The following ITGAE variants were observed in gnomAD, a reference collection of about 807,000 sequenced individuals.
The protein encoded by ITGAE is integrin alpha-E.
A neutral mutation model predicts 136.5 loss-of-function variants in ITGAE; 99 were observed. That is an observed-to-expected ratio of 0.73 (90% CI 0.62 to 0.86). The LOEUF (loss-of-function observed/expected upper bound fraction) is 0.86, where lower values mean the gene tolerates loss of function less well. Among genes scored for constraint, ITGAE ranks in the 40% least tolerant of loss-of-function variants. The pLI is 0.00. For missense variants in ITGAE, 1,447 were observed against 1,515.3 expected, an observed-to-expected ratio of 0.95 and a Z score of 0.75; for synonymous variants, 613 against 591.8, an observed-to-expected ratio of 1.04 and a Z score of -0.52.
At chr17:3,763,558 A>G (rs889813481) in intron 3 of ITGAE, among the ~76,000 whole-genome samples, 1 of 152,148 alleles carries the variant, frequency 6.6e-6, no homozygotes, top group Admixed American at 6.6e-5. Flanking sequence ...TTCCTCTCTT[A>G]TAAATGGCGC....
At chr17:3,727,321 T>TA (rs1485780119) in intron 26 of ITGAE, among the ~76,000 whole-genome samples, 1 of 152,052 alleles carries the variant, frequency 6.6e-6, no homozygotes, top group African/African-American at 2.4e-5. Context: ...TGTCACATGT[T>TA]ACATCGCTCA....
intron 1 of ITGAE, among the ~76,000 whole-genome samples, chr17:3,784,086 C>T (rs912502540): frequency 6.6e-6 from 1 of 152,026 alleles, no homozygotes; most frequent in Non-Finnish European, 1.5e-5. Context: ...CGGTGAAACC[C>T]CGTCTCTACT....
chr17:3,756,184 G>A (rs1319340796), intron 10 of ITGAE, among the ~76,000 whole-genome samples: 2 of 149,136 alleles, frequency 1.3e-5, no homozygotes, highest in Non-Finnish European at 3.0e-5. Context: ...GAGCTTCATG[G>A]AGATTCTGGG....
intron 26 of ITGAE, chr17:3,724,408 A>T: frequency 6.2e-7 from 1 of 1,611,748 alleles, no homozygotes; most frequent in Non-Finnish European, 8.5e-7. Flanking sequence ...CAGCCCAGGG[A>T]CGGCGACGAG....
intron 16 of ITGAE, among the ~76,000 whole-genome samples, chr17:3,750,026 C>CA (rs1224688470): frequency 1.3e-5 from 2 of 151,844 alleles, no homozygotes; most frequent in African/African-American, 2.4e-5. Context: ...AGAAAAAAAA[C>CA]AAAAAACAAA....
intron 20 of ITGAE, among the ~76,000 whole-genome samples, chr17:3,735,486 T>C (rs1441014713): frequency 6.6e-6 from 1 of 152,010 alleles, no homozygotes. Flanking sequence ...CTAATTTTTG[T>C]ATTTTTTGTA....
chr17:3,761,035 T>C lies in ITGAE; in HGVS notation c.576A>G (p.Glu192=), dbSNP rs934984268. The part of the protein sequence containing the change: ...KEEEEDKEEE[E]DEEEEEAGTE... ...CACCAGCTTCCTCCTCCTCCTCGTC[T>C]TCCTCCTCCTCCTTGTCTTCCTCCT... is the stretch of plus-strand genomic sequence containing the variant. Residue 192 remains glutamate (E), a synonymous_variant, in exon 6 of 31, where the codon GAA becomes GAG. Coordinates refer to ENST00000263087, the MANE Select transcript of ITGAE (RefSeq NM_002208.5). 2.5e-6 allele frequency: 4 copies of C among 1,603,428 alleles called. No individual in the cohort carries two copies. The highest frequency in any genetic ancestry group is 3.4e-6 in the Non-Finnish European group (4 of 1,178,584).
At chr17:3,731,745 C>T (rs191146496) in intron 22 of ITGAE, among the ~76,000 whole-genome samples, 1 of 152,052 alleles carries the variant, frequency 6.6e-6, no homozygotes, top group Non-Finnish European at 1.5e-5. Flanking sequence ...TTTCCCACAG[C>T]ACAGAGATGA....
At chr17:3,746,605 G>A (rs994163845) in intron 17 of ITGAE, among the ~76,000 whole-genome samples, 37 of 152,058 alleles carry the variant, frequency 2.4e-4, no homozygotes, top group Non-Finnish European at 4.1e-4. Context: ...ACAGGCGCCC[G>A]CCACCACACC....
rs143114897 is a variant in ITGAE, at chr17:3,748,869, G to A, written c.2025-817C>T. ...GAGGAGGAGATGGGAATGGAGGGGC[G>A]GGAAGGGCCAGGCCACGAAGAGCCC... On this transcript the variant is annotated intron_variant, in intron 16 of 30. Transcript: ENST00000263087. Among the ~76,000 whole-genome samples, 12 of 152,292 alleles carry A rather than the reference G, an allele frequency of 7.9e-5. No individual in the cohort carries two copies. The East Asian group carries it at 1.4e-3, about 17-fold the overall frequency.
In ITGAE at chr17:3,739,813, G is replaced by C. The variant is rs1333308542; in HGVS notation, c.2514C>G (p.Thr838=). The C allele has an allele frequency of 6.2e-7, 1 of 1,613,988 alleles. No homozygotes were observed. Among genetic ancestry groups the C allele is most frequent in the Admixed American group, 1.7e-5 (1 of 60,028 alleles). Reference sequence around the variant, plus strand: ...GGCTATGTCCAACTCACTGAGAGACGGTGGTGGCCAACTGTAATTCTGCGA... The same window carrying C: ...GGCTATGTCCAACTCACTGAGAGACCGTGGTGGCCAACTGTAATTCTGCGA... ...FCVAELQLAT[T]VSQQELVVGL... is the part of the protein sequence containing the mutation. The change falls in exon 20 of 31, where the codon ACC becomes ACG. Residue 838 remains threonine, a synonymous_variant. Coordinates refer to ENST00000263087, the MANE Select transcript of ITGAE (RefSeq NM_002208.5).
intron 12 of ITGAE, among the ~76,000 whole-genome samples, 179 bp downstream of exon 12, chr17:3,754,910 GCCCTCACCCAGGTAGCCCCCAGGCCCCA>G (rs1567535206): frequency 2.4e-5 from 1 of 40,980 alleles, no homozygotes; most frequent in Non-Finnish European, 4.6e-5. Context: ...TCCATGCCCC[GCCCTCACCCAGGTAGCCCCCAGGCCCCA>G]CCCTCGCCCA....
At chr17:3,756,184 G>T (rs1319340796) in intron 10 of ITGAE, among the ~76,000 whole-genome samples, 1 of 149,136 alleles carries the variant, frequency 6.7e-6, no homozygotes, top group African/African-American at 2.5e-5. Context: ...GAGCTTCATG[G>T]AGATTCTGGG....
At chr17:3,775,792 T>C (rs1031965419) in intron 2 of ITGAE, among the ~76,000 whole-genome samples, 6 of 151,890 alleles carry the variant, frequency 4.0e-5, no homozygotes, top group Non-Finnish European at 5.9e-5. Flanking sequence ...TATATGTGTC[T>C]GAGAATTTCT....
chr17:3,715,136 A>G (rs1313246010), intron 30 of ITGAE, among the ~76,000 whole-genome samples, 194 bp from the exon 31 acceptor site: 2 of 152,120 alleles, frequency 1.3e-5, no homozygotes, highest in African/African-American at 2.4e-5. Context: ...TCATCCCTCA[A>G]TCAGAACTGA....
Position 3,761,432 on chromosome 17 carries a change from G to A in ITGAE, c.404C>T (p.Pro135Leu). ...TCSLLGPDLR[P>L]QAQANFFDLE... ...GTCGAAGAAGTTGGCCTGAGCCTGG[G>A]GACGGAGGTCAGGGCCCAGGAGGCT... Residue 135 changes from proline to leucine, a missense_variant, in exon 5 of 31, where the codon CCC (proline) becomes CTC (leucine). Pro to Leu is a moderately conservative substitution (Grantham distance 98). Transcript: ENST00000263087. The A allele has an allele frequency of 6.2e-7, 1 of 1,613,752 alleles. No individual in the cohort carries two copies. The highest frequency in any genetic ancestry group is 1.7e-5 in the Admixed American group (1 of 59,942).
chr17:3,794,383 G>C (rs374123547), intron 1 of ITGAE, among the ~76,000 whole-genome samples: 3 of 152,180 alleles, frequency 2.0e-5, no homozygotes, highest in African/African-American at 7.2e-5. Context: ...GCCTCCCTAA[G>C]TGCTGGGATT....
chr17:3,778,112 T>C (rs1227497664), intron 1 of ITGAE, among the ~76,000 whole-genome samples: 1 of 151,928 alleles, frequency 6.6e-6, no homozygotes, highest in Non-Finnish European at 1.5e-5. Flanking sequence ...GAATGTTTTA[T>C]ACCAGCTTTA....
intron 29 of ITGAE, among the ~76,000 whole-genome samples, chr17:3,720,070 T>C (rs976773587): frequency 1.3e-5 from 2 of 152,140 alleles, no homozygotes; most frequent in East Asian, 3.8e-4. Context: ...AATCAAAGTA[T>C]ATACTGCAGA....
Sources: gnomAD v4.1 joint callset for allele counts (sites outside exome capture counted in the v4.1 genomes callset) on GRCh38, gnomAD v4.1.1 for gene constraint, MANE v1.5 for transcripts, NCBI Gene and HGNC (gene_info 2026-07-23, HGNC 2026-07-21) for gene names.